Variants in TAAR1 observed in about 807,000 individuals in gnomAD.
TAAR1 encodes the protein trace amine-associated receptor 1.
In TAAR1, 1 loss-of-function variant was observed where a neutral mutation model predicts 1.2. The observed-to-expected ratio is 0.81, with a 90% CI of 0.29 to 3.86. The LOEUF is 3.86. Ranked by LOEUF, TAAR1 falls within the 30% of genes most tolerant of loss-of-function variation. The pLI, the probability that TAAR1 is intolerant of heterozygous loss-of-function variation, is 0.18. For missense variants in TAAR1, 445 were observed against 405.6 expected (o/e 1.10, Z -0.83); for synonymous variants, 153 against 132.2 (o/e 1.16, Z -1.08).
chr6:132,656,181 C>G (rs1301054366), intron 1 of TAAR1, among the ~76,000 whole-genome samples: 2 of 151,624 alleles, frequency 1.3e-5, no homozygotes, highest in African/African-American at 4.8e-5. Flanking sequence ...AAAAAGAAAA[C>G]AAAAACAAAA....
intron 1 of TAAR1, among the ~76,000 whole-genome samples, chr6:132,656,166 C>A (rs75637651): frequency 1.3e-5 from 2 of 151,834 alleles, no homozygotes; most frequent in East Asian, 1.9e-4. Context: ...GAAAAACAAC[C>A]AAACAAAAAG....
At chr6:132,650,053 G>T (rs569496801) in intron 1 of TAAR1, among the ~76,000 whole-genome samples, 1 of 152,004 alleles carries the variant, frequency 6.6e-6, no homozygotes, top group East Asian at 1.9e-4. Flanking sequence ...TCATAGACTC[G>T]CCTCCATCTC....
intron 1 of TAAR1, among the ~76,000 whole-genome samples, chr6:132,653,496 C>G (rs919891596): frequency 3.9e-5 from 6 of 152,312 alleles, no homozygotes; most frequent in African/African-American, 1.4e-4. Flanking sequence ...TTAAGTGACA[C>G]TGTTTTTCTT....
chr6:132,653,596 C>T (rs1291140781), intron 1 of TAAR1, among the ~76,000 whole-genome samples: 6 of 152,108 alleles, frequency 3.9e-5, no homozygotes, highest in Non-Finnish European at 7.4e-5. Flanking sequence ...TGACTTTTTG[C>T]TCTAGAACTT....
chr6:132,656,288 G>C (rs1777803829), intron 1 of TAAR1, among the ~76,000 whole-genome samples: 2 of 152,156 alleles, frequency 1.3e-5, no homozygotes, highest in African/African-American at 2.4e-5. Context: ...CAACAACTAA[G>C]TAAACATCCA....
intron 1 of TAAR1, among the ~76,000 whole-genome samples, chr6:132,657,700 A>C (rs771824257): frequency 6.6e-6 from 1 of 152,068 alleles, no homozygotes; most frequent in Non-Finnish European, 1.5e-5. Context: ...GTTTACTCAG[A>C]GATAGTGAGA....
chr6:132,645,085 A>G lies in TAAR1; in HGVS notation c.919T>C (p.Phe307Leu). ...STFNPMVYAF[F>L]YPWFRKALKM... ...AGTGCTTTTCTAAACCAAGGATAGA[A>G]AAATGCATAAACCATTGGATTAAAT... is the stretch of plus-strand genomic sequence containing the variant. Residue 307 changes from phenylalanine to leucine, a missense_variant, in exon 2 of 2, where the codon TTC becomes CTC. Transcript: ENST00000275216. 1 of 1,611,872 alleles carries G rather than the reference A, an allele frequency of 6.2e-7. No individual in the cohort carries two copies. The highest frequency in any genetic ancestry group is 8.5e-7 in the Non-Finnish European group (1 of 1,179,290).
intron 1 of TAAR1, among the ~76,000 whole-genome samples, chr6:132,647,688 AAAGG>A (rs1403913496): frequency 2.0e-5 from 3 of 149,406 alleles, no homozygotes; most frequent in Admixed American, 6.7e-5. Flanking sequence ...AAGAAGAAAG[AAAGG>A]AAGGAAGGAA....
At chr6:132,647,625 AAAGAAAGAAAGAAAGAAAGAAAG>A (rs1777694362) in intron 1 of TAAR1, among the ~76,000 whole-genome samples, 118 of 96,094 alleles carry the variant, frequency 1.2e-3, no homozygotes, top group African/African-American at 3.6e-3. Flanking sequence ...AAGAAAAAGG[AAAGAAAGAAAGAAAGAAAGAAAG>A]AAAGAAAGAA....
chr6:132,645,957 T>C lies in TAAR1; in HGVS notation c.47A>G (p.Asn16Ser), dbSNP rs777919125. The C allele has an allele frequency of 1.9e-6, 3 of 1,609,194 alleles. No homozygotes were observed. In the South Asian group the frequency reaches 3.3e-5, roughly 18 times the overall value. Residue 16 changes from asparagine (N) to serine (S), a missense_variant, in exon 2 of 2, where the codon AAC becomes AGC. Transcript: ENST00000275216. ...AGCACGGACATCATTTGACCAGTTG[T>C]TTTTCACACAGGAAATATTAATTAT... Reference protein sequence around the residue: ...HNIINISCVKNNWSNDVRASL... With the variant: ...HNIINISCVKSNWSNDVRASL...
At chr6:132,649,507 A>G (rs1777724506) in intron 1 of TAAR1, among the ~76,000 whole-genome samples, 2 of 152,088 alleles carry the variant, frequency 1.3e-5, no homozygotes, top group Admixed American at 1.3e-4. Flanking sequence ...TCACACTCCT[A>G]CAAAGAACTG....
In TAAR1 at chr6:132,645,966, C is replaced by T. The variant is rs574259337; in HGVS notation, c.38G>A (p.Cys13Tyr). 1.2e-6 allele frequency: 2 copies of T among 1,606,896 alleles called. No homozygotes were observed. The highest frequency in any genetic ancestry group is 2.2e-5 in the South Asian group (2 of 90,282). ...ATCATTTGACCAGTTGTTTTTCACA[C>T]AGGAAATATTAATTATATTGTGGCA... Reference protein sequence around the residue: ...PFCHNIINISCVKNNWSNDVR... With the variant: ...PFCHNIINISYVKNNWSNDVR... The change falls in exon 2 of 2, where the codon TGT becomes TAT. Residue 13 changes from cysteine (C) to tyrosine (Y), a missense_variant. Coordinates refer to ENST00000275216, the MANE Select transcript of TAAR1 (RefSeq NM_138327.4).
intron 1 of TAAR1, among the ~76,000 whole-genome samples, chr6:132,657,425 A>C (rs1268619963): frequency 1.5e-4 from 23 of 151,990 alleles, no homozygotes; most frequent in Admixed American, 1.5e-3. Flanking sequence ...ATATGTATTT[A>C]ACAAGATGTT....
At position 132,645,103 on chromosome 6, in the gene TAAR1, G is replaced by A. The variant is rs1777646506; in HGVS notation, c.901C>T (p.Pro301Ser). The part of the protein sequence containing the change: ...WFGYLNSTFN[P>S]MVYAFFYPWF... ...GGATAGAAAAATGCATAAACCATTG[G>A]ATTAAATGTAGAGTTCAAGTAGCCA... The change falls in exon 2 of 2, where the codon CCA (proline) becomes TCA (serine). Residue 301 changes from proline to serine, a missense_variant. Coordinates refer to ENST00000275216, the MANE Select transcript of TAAR1 (RefSeq NM_138327.4). 2 of 1,612,824 alleles carry A rather than the reference G, an allele frequency of 1.2e-6. No homozygotes were observed. The highest frequency in any genetic ancestry group is 1.7e-6 in the Non-Finnish European group (2 of 1,179,508).
intron 1 of TAAR1, among the ~76,000 whole-genome samples, chr6:132,647,620 AAAGG>A (rs1777693155): frequency 1.6e-5 from 1 of 64,012 alleles, no homozygotes; most frequent in Admixed American, 1.7e-4. Context: ...AAAGAAAGAA[AAAGG>A]AAAGAAAGAA....
At chr6:132,650,501 C>G (rs532636232) in intron 1 of TAAR1, among the ~76,000 whole-genome samples, 84 of 152,320 alleles carry the variant, frequency 5.5e-4, no homozygotes, top group Non-Finnish European at 9.7e-4. Context: ...CTCCATTTCC[C>G]TGTTACATTC....
At chr6:132,658,600 A>G (rs1478954137) in intron 1 of TAAR1, among the ~76,000 whole-genome samples, 1 of 152,108 alleles carries the variant, frequency 6.6e-6, no homozygotes, top group Non-Finnish European at 1.5e-5. Flanking sequence ...GATTTTTCCT[A>G]CCAAATATAT....
At chr6:132,658,122 C>T (rs937898897) in intron 1 of TAAR1, among the ~76,000 whole-genome samples, 1 of 151,910 alleles carries the variant, frequency 6.6e-6, no homozygotes, top group Admixed American at 6.6e-5. Flanking sequence ...TAATTTTACT[C>T]CAAAACTATA....
intron 1 of TAAR1, among the ~76,000 whole-genome samples, chr6:132,647,610 AAAGAAAGAAAAAGGAAAG>A (rs1317665262): frequency 7.5e-6 from 1 of 133,400 alleles, no homozygotes; most frequent in East Asian, 2.6e-4. Flanking sequence ...AAGAAAAAAG[AAAGAAAGAAAAAGGAAAG>A]AAAGAAAGAA....
Sources: gnomAD v4.1 joint callset for allele counts (sites outside exome capture counted in the v4.1 genomes callset) on GRCh38, gnomAD v4.1.1 for gene constraint, MANE v1.5 for transcripts, NCBI Gene and HGNC (gene_info 2026-07-23, HGNC 2026-07-21) for gene names.